The following BRINP3 variants were observed in gnomAD, a reference collection of about 807,000 sequenced individuals.
BRINP3 encodes the protein BMP/retinoic acid inducible neural specific 3.
BRINP3 carries 19 observed loss-of-function variants against 71.0 expected under a neutral mutation model. That is an observed-to-expected ratio of 0.27 (90% CI 0.19 to 0.39). BRINP3 has a LOEUF of 0.39. BRINP3 is among the 10% of genes least tolerant of loss of function. The pLI, the probability that BRINP3 is intolerant of heterozygous loss-of-function variation, is 1.00. For synonymous variants in BRINP3, 380 were observed against 337.7 expected (o/e 1.13, Z -1.37); for missense variants, 959 against 940.8 (o/e 1.02, Z -0.25).
intron 2 of BRINP3, among the ~76,000 whole-genome samples, chr1:190,431,586 A>T (rs1674103171): frequency 6.6e-6 from 1 of 152,048 alleles, no homozygotes; most frequent in Non-Finnish European, 1.5e-5. Flanking sequence ...CAAACTCCTG[A>T]CCTCAAGTGA....
intron 2 of BRINP3, among the ~76,000 whole-genome samples, chr1:190,372,012 A>T (rs1192727605): frequency 6.6e-6 from 1 of 152,158 alleles, no homozygotes; most frequent in Non-Finnish European, 1.5e-5. Flanking sequence ...CTTGAAAAAT[A>T]GCTACTGGTT....
chr1:190,367,964 T>C (rs1050297147), intron 2 of BRINP3, among the ~76,000 whole-genome samples: 3 of 152,162 alleles, frequency 2.0e-5, no homozygotes, highest in Non-Finnish European at 4.4e-5. Flanking sequence ...CATTTTCCTA[T>C]CTTCTTCTGA....
chr1:190,102,671 G>C (rs1029782678), intron 7 of BRINP3, among the ~76,000 whole-genome samples: 2 of 152,048 alleles, frequency 1.3e-5, no homozygotes, highest in African/African-American at 4.8e-5. Context: ...ATACATTATA[G>C]TGAAGGAACT....
chr1:190,204,801 G>T (rs962142688), intron 6 of BRINP3, among the ~76,000 whole-genome samples: 2 of 151,902 alleles, frequency 1.3e-5, no homozygotes, highest in African/African-American at 4.8e-5. Flanking sequence ...AATATAAAAT[G>T]GTTCAATATA....
intron 2 of BRINP3, among the ~76,000 whole-genome samples, chr1:190,319,792 C>T (rs1666117252): frequency 6.6e-6 from 1 of 152,098 alleles, no homozygotes; most frequent in South Asian, 2.1e-4. Flanking sequence ...CAGACCCCAC[C>T]TCCAGCATTG....
chr1:190,193,810 G>A (rs977332910), intron 6 of BRINP3, among the ~76,000 whole-genome samples: 2 of 151,974 alleles, frequency 1.3e-5, no homozygotes, highest in Non-Finnish European at 2.9e-5. Flanking sequence ...TTTCTCAAGG[G>A]CCAGGGAGCC....
intron 6 of BRINP3, among the ~76,000 whole-genome samples, chr1:190,223,412 A>T (rs1657059818): frequency 6.6e-6 from 1 of 151,944 alleles, no homozygotes; most frequent in Non-Finnish European, 1.5e-5. Context: ...GAAAATAAAC[A>T]TATCATTATT....
Position 190,236,039 on chromosome 1 carries a change from A to G in BRINP3, c.619-1562T>C, listed in dbSNP as rs1217059334. Among the ~76,000 whole-genome samples, 8 of 152,136 alleles carry G rather than the reference A, an allele frequency of 5.3e-5. No individual in the cohort carries two copies. The South Asian group carries it at 8.3e-4, about 16-fold the overall frequency. On this transcript the variant is annotated intron_variant, in intron 4 of 7. Transcript: ENST00000367462. ...ATTAAGAGAAAGAGGAGGAGGAAAC[A>G]TAAGGAGAAACTTCGTAGTATGGAG...
intron 2 of BRINP3, among the ~76,000 whole-genome samples, chr1:190,358,176 A>G (rs985526768): frequency 1.3e-5 from 2 of 152,208 alleles, no homozygotes; most frequent in African/African-American, 4.8e-5. Flanking sequence ...TAATTAAACT[A>G]AAGAACTTCT....
intron 2 of BRINP3, among the ~76,000 whole-genome samples, chr1:190,449,772 A>ACTCTGACATTCATTT (rs1489272602): frequency 6.6e-6 from 1 of 152,034 alleles, no homozygotes; most frequent in Non-Finnish European, 1.5e-5. Context: ...GGCGGAATTT[A>ACTCTGACATTCATTT]CTCTGACATT....
At chr1:190,250,086 G>A (rs1255001659) in intron 4 of BRINP3, among the ~76,000 whole-genome samples, 1 of 151,808 alleles carries the variant, frequency 6.6e-6, no homozygotes, top group Non-Finnish European at 1.5e-5. Context: ...AAATGTAAAA[G>A]TAATTTAACC....
chr1:190,279,340 A>T (rs1662865922), intron 3 of BRINP3, among the ~76,000 whole-genome samples: 1 of 151,846 alleles, frequency 6.6e-6, no homozygotes, highest in Admixed American at 6.6e-5. Flanking sequence ...TACTTAAATT[A>T]TACCACACAC....
At chr1:190,366,074 A>G (rs1159643775) in intron 2 of BRINP3, among the ~76,000 whole-genome samples, 1 of 151,706 alleles carries the variant, frequency 6.6e-6, no homozygotes, top group African/African-American at 2.4e-5. Flanking sequence ...GAAAGGTAAG[A>G]TGAGAAAGGA....
At chr1:190,205,747 T>C (rs1163473343) in intron 6 of BRINP3, among the ~76,000 whole-genome samples, 1 of 151,964 alleles carries the variant, frequency 6.6e-6, no homozygotes, top group Non-Finnish European at 1.5e-5. Context: ...AAGAAAATAA[T>C]ACAAAGATAG....
chr1:190,380,915 C>T (rs1389196668), intron 2 of BRINP3, among the ~76,000 whole-genome samples: 1 of 152,046 alleles, frequency 6.6e-6, no homozygotes, highest in Non-Finnish European at 1.5e-5. Context: ...ATAAATAACA[C>T]ATTTTATCCC....
chr1:190,329,900 C>A (rs1449293654), intron 2 of BRINP3, among the ~76,000 whole-genome samples: 1 of 151,724 alleles, frequency 6.6e-6, no homozygotes, highest in Non-Finnish European at 1.5e-5. Flanking sequence ...AAAGGACACT[C>A]TAATATATGG....
chr1:190,249,442 G>A (rs1371117016), intron 4 of BRINP3, among the ~76,000 whole-genome samples: 1 of 151,594 alleles, frequency 6.6e-6, no homozygotes, highest in Non-Finnish European at 1.5e-5. Context: ...TTAGGTAAGA[G>A]CAATTAAATG....
intron 7 of BRINP3, among the ~76,000 whole-genome samples, chr1:190,116,397 T>C (rs1215219814): frequency 6.6e-6 from 1 of 152,004 alleles, no homozygotes; most frequent in Non-Finnish European, 1.5e-5. Flanking sequence ...CACAAGAAAA[T>C]TAGCTTTCAA....
At chr1:190,139,591 C>T (rs2102383137) in intron 7 of BRINP3, among the ~76,000 whole-genome samples, 1 of 151,942 alleles carries the variant, frequency 6.6e-6, no homozygotes, top group South Asian at 2.1e-4. Flanking sequence ...ACTAGGTCTG[C>T]TGCTAATAAA....
Sources: gnomAD v4.1 joint callset for allele counts (sites outside exome capture counted in the v4.1 genomes callset) on GRCh38, gnomAD v4.1.1 for gene constraint, MANE v1.5 for transcripts, NCBI Gene and HGNC (gene_info 2026-07-23, HGNC 2026-07-21) for gene names.